RSRC1: variants seen among roughly 807,000 people sequenced by gnomAD.
RSRC1 encodes serine/Arginine-related protein 53.
Under a neutral mutation model 49.1 loss-of-function variants are expected in RSRC1, and 39 were observed. That is an observed-to-expected ratio of 0.79 (90% CI 0.61 to 1.04). RSRC1 has a LOEUF of 1.04. RSRC1 is among the 50% of genes least tolerant of loss of function. The pLI is 0.00. For synonymous variants in RSRC1, 143 were observed against 130.8 expected, an observed-to-expected ratio of 1.09 and a Z score of -0.63; for missense variants, 388 against 402.4, an observed-to-expected ratio of 0.96 and a Z score of 0.31.
At chr3:158,154,468 CTT>C (rs35111609) in intron 3 of RSRC1, among the ~76,000 whole-genome samples, 5 of 145,288 alleles carry the variant, frequency 3.4e-5, no homozygotes, top group Non-Finnish European at 4.5e-5. Flanking sequence ...GATCATAGAA[CTT>C]TTTTTTTTTT....
intron 6 of RSRC1, among the ~76,000 whole-genome samples, chr3:158,419,682 G>A (rs1417208049): frequency 6.6e-6 from 1 of 151,778 alleles, no homozygotes; most frequent in Non-Finnish European, 1.5e-5. Context: ...GTAATTATGT[G>A]CCCTACTTTT....
intron 3 of RSRC1, among the ~76,000 whole-genome samples, chr3:158,187,740 G>T (rs552479248): frequency 1.2e-3 from 183 of 151,970 alleles, no homozygotes; most frequent in African/African-American, 4.3e-3. Context: ...AAAAATATTT[G>T]TTTGCTTAAC....
intron 3 of RSRC1, among the ~76,000 whole-genome samples, chr3:158,144,548 G>A (rs1262363768): frequency 6.6e-6 from 1 of 152,094 alleles, no homozygotes; most frequent in Non-Finnish European, 1.5e-5. Flanking sequence ...TGGACATTTG[G>A]GTTGGTTCCA....
At chr3:158,322,667 C>T (rs546975049) in intron 5 of RSRC1, among the ~76,000 whole-genome samples, 2 of 152,242 alleles carry the variant, frequency 1.3e-5, no homozygotes, top group African/African-American at 2.4e-5. Flanking sequence ...TTGGCCATTA[C>T]TTCCTCAAGT....
At chr3:158,250,007 T>C (rs1724120031) in intron 4 of RSRC1, among the ~76,000 whole-genome samples, 1 of 152,130 alleles carries the variant, frequency 6.6e-6, no homozygotes, top group Non-Finnish European at 1.5e-5. Context: ...CATTGTACTC[T>C]CTCCATGAAT....
At chr3:158,523,515 C>T (rs1414253006) in intron 7 of RSRC1, among the ~76,000 whole-genome samples, 1 of 151,964 alleles carries the variant, frequency 6.6e-6, no homozygotes, top group Non-Finnish European at 1.5e-5. Context: ...TCAATGGAAG[C>T]TCCATCAAGG....
chr3:158,468,485 GA>G (rs1434287188), intron 7 of RSRC1, among the ~76,000 whole-genome samples: 1 of 152,148 alleles, frequency 6.6e-6, no homozygotes, highest in Non-Finnish European at 1.5e-5. Flanking sequence ...TATTTTTAAA[GA>G]AGTTTGGCAC....
intron 1 of RSRC1, among the ~76,000 whole-genome samples, chr3:158,116,687 T>A (rs1714848129): frequency 6.6e-6 from 1 of 152,100 alleles, no homozygotes; most frequent in Non-Finnish European, 1.5e-5. Context: ...ATGAAAAAGG[T>A]AAATAATGTT....
chr3:158,454,247 T>G (rs935978975), intron 6 of RSRC1, among the ~76,000 whole-genome samples: 13 of 152,136 alleles, frequency 8.5e-5, no homozygotes, highest in African/African-American at 2.4e-4. Flanking sequence ...GTCCTAACTC[T>G]ATGACCTTGA....
chr3:158,240,573 C>A (rs540097016), intron 4 of RSRC1, among the ~76,000 whole-genome samples: 1 of 152,064 alleles, frequency 6.6e-6, no homozygotes, highest in Non-Finnish European at 1.5e-5. Flanking sequence ...GTGAGATTTA[C>A]GCGTAATTTT....
chr3:158,110,678 C>G (rs1714324826), intron 1 of RSRC1: 1 of 152,506 alleles, frequency 6.6e-6, no homozygotes, highest in South Asian at 2.1e-4. Context: ...TGCCTTAGAT[C>G]CAGCTCTCTT....
At chr3:158,470,359 C>CATATATATAT (rs1219686437) in intron 7 of RSRC1, among the ~76,000 whole-genome samples, 9 of 93,274 alleles carry the variant, frequency 9.6e-5, no homozygotes, top group African/African-American at 3.4e-4. Context: ...CACACACACA[C>CATATATATAT]ACATATATAT....
chr3:158,177,269 T>G (rs542499952), intron 3 of RSRC1, among the ~76,000 whole-genome samples: 1 of 152,314 alleles, frequency 6.6e-6, no homozygotes, highest in East Asian at 1.9e-4. Context: ...AAATACCATT[T>G]GACCCAGCAA....
chr3:158,500,428 G>A (rs771625642), intron 7 of RSRC1, among the ~76,000 whole-genome samples: 1 of 152,218 alleles, frequency 6.6e-6, no homozygotes, highest in African/African-American at 2.4e-5. Flanking sequence ...GAGGAATAGT[G>A]TCAAAAGGAT....
At chr3:158,264,157 C>T (rs929815948) in intron 4 of RSRC1, among the ~76,000 whole-genome samples, 10 of 152,192 alleles carry the variant, frequency 6.6e-5, no homozygotes, top group African/African-American at 1.9e-4. Context: ...CAGCTTTTCT[C>T]ATGTAGGCGT....
At chr3:158,288,828 G>A (rs1200224505) in intron 4 of RSRC1, among the ~76,000 whole-genome samples, 2 of 28,200 alleles carry the variant, frequency 7.1e-5, no homozygotes, top group African/African-American at 2.7e-4. Flanking sequence ...ACAGATGCAC[G>A]TTCCCCGCCC....
chr3:158,366,578 C>A (rs927659480), intron 6 of RSRC1, among the ~76,000 whole-genome samples: 5 of 152,146 alleles, frequency 3.3e-5, no homozygotes, highest in Non-Finnish European at 5.9e-5. Context: ...AGTCAGGTAG[C>A]ATGATACCTC....
At chr3:158,448,814 A>G (rs1479955698) in intron 6 of RSRC1, among the ~76,000 whole-genome samples, 1 of 151,952 alleles carries the variant, frequency 6.6e-6, no homozygotes, top group Non-Finnish European at 1.5e-5. Context: ...TTTAAAGCCT[A>G]TGTGGGCCAT....
At chr3:158,152,639 A>G (rs1253792902) in intron 3 of RSRC1, among the ~76,000 whole-genome samples, 1 of 152,218 alleles carries the variant, frequency 6.6e-6, no homozygotes, top group African/African-American at 2.4e-5. Flanking sequence ...TAAATGTTTG[A>G]TTACTCAATG....
Sources: allele counts gnomAD v4.1 joint callset (sites outside exome capture counted in the v4.1 genomes callset), GRCh38; gene constraint gnomAD v4.1.1; transcripts MANE v1.5; gene names NCBI Gene and HGNC (gene_info 2026-07-23, HGNC 2026-07-21).